PDE9A: variants seen among roughly 807,000 people sequenced by gnomAD.
PDE9A encodes phosphodiesterase 9A.
In PDE9A, 60 loss-of-function variants were observed where a neutral mutation model predicts 87.4. The ratio of observed to expected loss-of-function variants is 0.69; its 90% CI spans 0.56 to 0.85. The LOEUF is 0.85. Among genes scored for constraint, PDE9A ranks in the 40% least tolerant of loss-of-function variants. The pLI is 0.00. For missense variants in PDE9A, 665 were observed against 779.0 expected (o/e 0.85, Z 1.74); for synonymous variants, 272 against 279.4 (o/e 0.97, Z 0.27).
chr21:42,761,059 G>C (rs1317789867), intron 13 of PDE9A, 152 bp downstream of exon 13: 1 of 663,724 alleles, frequency 1.5e-6, no homozygotes, highest in Non-Finnish European at 2.7e-6. Flanking sequence ...ACAGCTCCTG[G>C]CTTCTGGACT....
Position 42,759,758 on chromosome 21 carries a change from TGTGTGTGC to T in PDE9A, c.898-569_898-562del, listed in dbSNP as rs1274249782. Among the ~76,000 whole-genome samples the T allele has an allele frequency of 6.9e-6, 1 of 144,680 alleles. No individual in the cohort carries two copies. Among genetic ancestry groups the T allele is most frequent in the Non-Finnish European group, 1.5e-5 (1 of 66,018 alleles). 94.9% of individuals were successfully genotyped at this position (144,680 alleles called of 152,430 possible). A position where few individuals can be genotyped will look rare whatever the true frequency, so the allele number is the denominator to read the frequency against. On this transcript the variant is annotated intron_variant, in intron 11 of 19. Coordinates refer to ENST00000291539, the MANE Select transcript of PDE9A (RefSeq NM_002606.3). The surrounding 1 kb of genome is among the most constrained non-coding windows in gnomAD (Gnocchi z 7.2). ...CATGTGTGTATCTGTGGATGTGAGG[TGTGTGTGC>T]ATGTGTGTATCTGGATGTGGGGGTG... is the stretch of plus-strand genomic sequence containing the variant.
At chr21:42,740,687 CAGT>C (rs2053095480) in intron 7 of PDE9A, among the ~76,000 whole-genome samples, 3 of 141,346 alleles carry the variant, frequency 2.1e-5, no homozygotes, top group African/African-American at 8.0e-5. Flanking sequence ...GATAGATACA[CAGT>C]AGGTAGGTAG....
chr21:42,701,280 T>A (rs1423354356), intron 4 of PDE9A: 1 of 152,222 alleles, frequency 6.6e-6, no homozygotes, highest in Admixed American at 6.5e-5. Flanking sequence ...GGAATTGGCT[T>A]CTGTATGGGA....
At chr21:42,682,800 A>G (rs1442156718) in intron 1 of PDE9A, among the ~76,000 whole-genome samples, 1 of 152,194 alleles carries the variant, frequency 6.6e-6, no homozygotes, top group East Asian at 1.9e-4. Flanking sequence ...CAGCCCAGCA[A>G]ATGAGCGTCG....
chr21:42,717,765 T>C (rs577899639), intron 4 of PDE9A, among the ~76,000 whole-genome samples: 46 of 151,634 alleles, frequency 3.0e-4, no homozygotes, highest in Non-Finnish European at 5.6e-4. Context: ...ATTCACAGTT[T>C]GTTTTCTTCA....
intron 1 of PDE9A, among the ~76,000 whole-genome samples, chr21:42,670,941 A>G (rs2058530159): frequency 6.6e-6 from 1 of 151,906 alleles, no homozygotes; most frequent in South Asian, 2.1e-4. Context: ...TATTTCCTGA[A>G]CACATGTTAT....
chr21:42,744,932 C>T (rs865848933), intron 8 of PDE9A, among the ~76,000 whole-genome samples: 6 of 152,208 alleles, frequency 3.9e-5, no homozygotes, highest in East Asian at 1.9e-4. Flanking sequence ...CCTCCATGCC[C>T]GCTGGTGCCA....
chr21:42,688,520 C>T (rs974673052), intron 3 of PDE9A, among the ~76,000 whole-genome samples: 8 of 152,184 alleles, frequency 5.3e-5, no homozygotes, highest in African/African-American at 1.9e-4. Flanking sequence ...TAGGTCAAGC[C>T]AGCGGTGTAT....
rs1258661681 is a variant in PDE9A at position 42,705,388 on chromosome 21, A to G, written c.262+6377A>G. On this transcript the variant is annotated intron_variant, in intron 4 of 19. Transcript: ENST00000291539. The surrounding 1 kb of genome is among the most constrained non-coding windows in gnomAD (Gnocchi z 4.3). ...CAAAGAGTGTTGTTTTCCAGATTAT[A>G]AAACACAGATCTCAGCTGATGGCGG... 6.6e-6 allele frequency among the ~76,000 whole-genome samples: 1 copy of G among 152,160 alleles called. No individual in the cohort carries two copies. Among genetic ancestry groups the G allele is most frequent in the Admixed American group, 6.5e-5 (1 of 15,284 alleles).
intron 7 of PDE9A, chr21:42,733,787 T>A: frequency 4.5e-6 from 1 of 224,210 alleles, no homozygotes; most frequent in Non-Finnish European, 8.9e-6. Context: ...ATCGGCACCC[T>A]GTGGGTCATA....
At position 42,704,364 on chromosome 21, in the gene PDE9A, T is replaced by C. The variant is rs1481661550; in HGVS notation, c.262+5353T>C. ...GTGCGTGGGGACCCCGCTCTCCAAA[T>C]AGGCCAGTGTTCCAGGCTTTTCTTT... is the stretch of plus-strand genomic sequence containing the variant. On this transcript the variant is annotated intron_variant, in intron 4 of 19. Coordinates refer to ENST00000291539, the MANE Select transcript of PDE9A (RefSeq NM_002606.3). The surrounding 1 kb of genome is among the most constrained non-coding windows in gnomAD (Gnocchi z 5.3). Among the ~76,000 whole-genome samples, 3 of 151,564 alleles carry C rather than the reference T, an allele frequency of 2.0e-5. No homozygotes were observed. Among genetic ancestry groups the C allele is most frequent in the Non-Finnish European group, 4.4e-5 (3 of 67,946 alleles).
At chr21:42,764,101 A>G (rs1201988797) in intron 14 of PDE9A, among the ~76,000 whole-genome samples, 1 of 152,242 alleles carries the variant, frequency 6.6e-6, no homozygotes, top group East Asian at 1.9e-4. Context: ...TGAAATGAGC[A>G]GGAGAACAGA....
chr21:42,697,033 G>A (rs911232313), intron 3 of PDE9A, among the ~76,000 whole-genome samples: 1 of 152,144 alleles, frequency 6.6e-6, no homozygotes, highest in African/African-American at 2.4e-5. Context: ...GGCCTCTCCT[G>A]AGCCCACGCA....
chr21:42,765,324 C>T lies in PDE9A; in HGVS notation c.1243-57C>T, dbSNP rs186105421. The T allele has an allele frequency of 9.1e-6, 9 of 984,130 alleles. No homozygotes were observed. The East Asian group carries it at 1.8e-4, about 19-fold the overall frequency. The allele number at this position is 984,130 out of a possible 1,614,324, so 61.0% of individuals were successfully genotyped here. A position where few individuals can be genotyped will look rare whatever the true frequency, so the allele number is the denominator to read the frequency against. On this transcript the variant is annotated intron_variant, in intron 14 of 19. Transcript: ENST00000291539. Reference sequence around the variant, plus strand: ...GGGGGCTCAGTACACAGTAGGCCTCCGCTGAATAATTGTTCAGACTATACC... The same window carrying T: ...GGGGGCTCAGTACACAGTAGGCCTCTGCTGAATAATTGTTCAGACTATACC...
intron 4 of PDE9A, among the ~76,000 whole-genome samples, chr21:42,729,551 C>T (rs1232115223): frequency 1.3e-5 from 2 of 151,996 alleles, no homozygotes; most frequent in African/African-American, 2.4e-5. Context: ...TGTGGGTTTA[C>T]TTTGCTCTTC....
chr21:42,751,256 C>A, intron 9 of PDE9A, 59 bp downstream of exon 9: 1 of 1,206,894 alleles, frequency 8.3e-7, no homozygotes, highest in Non-Finnish European at 1.2e-6. Flanking sequence ...CCACGCCCAG[C>A]CCTGTGGCCC....
At position 42,657,724 on chromosome 21, in the gene PDE9A, G is replaced by A. The variant is rs193186513; in HGVS notation, c.69+3841G>A. On this transcript the variant is annotated intron_variant, in intron 1 of 19. Transcript: ENST00000291539. ...GACCCCTGGGCCAGGCTGTGGGCTC[G>A]GGTGTGGTGAGGAGCCACATCTGGG... Among the ~76,000 whole-genome samples the A allele has an allele frequency of 5.3e-3, 807 of 152,330 alleles. 15 individuals are homozygous for A. The highest frequency in any genetic ancestry group is 0.019 in the African/African-American group (772 of 41,568).
In PDE9A at chr21:42,768,202, G is replaced by A; in HGVS notation, c.1371G>A (p.Leu457=). 3 of 1,606,916 alleles carry A rather than the reference G, an allele frequency of 1.9e-6. No homozygotes were observed. Among genetic ancestry groups the A allele is most frequent in the Non-Finnish European group, 2.6e-6 (3 of 1,173,384 alleles). ...TCTTCTTTCAGCTGAAGATGATTTT[G>A]ATAAAATGCTGTGATATCTCTAACG... ...EEHMTLLKMI[L]IKCCDISNEV... The change falls in exon 16 of 20, where the codon TTG becomes TTA. Residue 457 remains leucine (L), a synonymous_variant. Transcript: ENST00000291539.
chr21:42,716,164 G>T (rs911601563), intron 4 of PDE9A, among the ~76,000 whole-genome samples: 1 of 151,828 alleles, frequency 6.6e-6, no homozygotes, highest in Non-Finnish European at 1.5e-5. Context: ...TTCCAGGTTT[G>T]GGCAGTTATG....
Sources: gnomAD v4.1 joint callset for allele counts (sites outside exome capture counted in the v4.1 genomes callset) on GRCh38, gnomAD v4.1.1 for gene constraint, Gnocchi (gnomAD v3.1) non-coding constraint, MANE v1.5 for transcripts, NCBI Gene and HGNC (gene_info 2026-07-23, HGNC 2026-07-21) for gene names.